Variants in TACR1 observed in about 807,000 individuals in gnomAD.
TACR1 encodes substance-P receptor.
A neutral mutation model predicts 35.8 loss-of-function variants in TACR1; 25 were observed. The observed-to-expected ratio is 0.70, with a 90% CI of 0.51 to 0.98. The LOEUF (loss-of-function observed/expected upper bound fraction) is 0.98, where lower values mean the gene tolerates loss of function less well. Ranked by LOEUF, TACR1 falls within the 50% of genes least tolerant of loss-of-function variation. TACR1 has a pLI of 0.00. For missense variants in TACR1, 478 were observed against 522.9 expected, an observed-to-expected ratio of 0.91 and a Z score of 0.84; for synonymous variants, 195 against 206.7, an observed-to-expected ratio of 0.94 and a Z score of 0.48.
At chr2:75,182,149 T>G (rs535520246) in intron 1 of TACR1, among the ~76,000 whole-genome samples, 1 of 152,338 alleles carries the variant, frequency 6.6e-6, no homozygotes. Flanking sequence ...CTCGCCTGTG[T>G]TTCAGACAGC....
intron 2 of TACR1, among the ~76,000 whole-genome samples, chr2:75,072,854 C>A (rs1331923797): frequency 6.6e-6 from 1 of 152,188 alleles, no homozygotes; most frequent in East Asian, 1.9e-4. Context: ...TCCAAGTTTT[C>A]TGCGTTTTAT....
At chr2:75,120,049 C>T (rs764027338) in intron 2 of TACR1, among the ~76,000 whole-genome samples, 1 of 152,082 alleles carries the variant, frequency 6.6e-6, no homozygotes, top group Non-Finnish European at 1.5e-5. Context: ...CAGATGCCAG[C>T]TCCCCTTAGG....
At chr2:75,196,334 C>A (rs555312905) in intron 1 of TACR1, among the ~76,000 whole-genome samples, 1 of 152,208 alleles carries the variant, frequency 6.6e-6, no homozygotes, top group East Asian at 1.9e-4. Flanking sequence ...ATAGTGTGCT[C>A]ACCAGGCTGA....
chr2:75,148,204 G>T (rs1442286557), intron 1 of TACR1, among the ~76,000 whole-genome samples: 1 of 152,138 alleles, frequency 6.6e-6, no homozygotes, highest in Non-Finnish European at 1.5e-5. Flanking sequence ...CTTTATAGTA[G>T]AATGATTTAT....
chr2:75,090,724 A>G (rs1673292150), intron 2 of TACR1: 1 of 153,924 alleles, frequency 6.5e-6, no homozygotes, highest in African/African-American at 2.4e-5. Context: ...TTAGGACAAA[A>G]ATTTCTCAAG....
At chr2:75,158,023 C>T (rs566455772) in intron 1 of TACR1, among the ~76,000 whole-genome samples, 19 of 152,318 alleles carry the variant, frequency 1.2e-4, no homozygotes, top group Non-Finnish European at 2.5e-4. Context: ...TAGGTTAGGT[C>T]TAAACCTTAT....
intron 1 of TACR1, among the ~76,000 whole-genome samples, chr2:75,174,441 T>C (rs894711536): frequency 2.6e-5 from 4 of 152,330 alleles, no homozygotes; most frequent in African/African-American, 7.2e-5. Context: ...GTAGATACAC[T>C]GGGACAAAGT....
chr2:75,090,632 C>T (rs1468644796), intron 2 of TACR1, among the ~76,000 whole-genome samples: 1 of 152,110 alleles, frequency 6.6e-6, no homozygotes, highest in Non-Finnish European at 1.5e-5. Flanking sequence ...ACATAATGAG[C>T]AACAAATGTC....
rs150999176 is a variant in TACR1, at chr2:75,078,105, C to T, written c.585-24350G>A. The stretch of plus-strand genomic sequence containing the variant: ...AGTGAGGGGGTGTTCCCCAGATCAC[C>T]GAGGTAGGTCTCTACTACCATCATG... On this transcript the variant is annotated intron_variant, in intron 2 of 4. Transcript: ENST00000305249. Among the ~76,000 whole-genome samples, 436 of 152,268 alleles carry T rather than the reference C, an allele frequency of 2.9e-3. 1 individual carries two copies. Among genetic ancestry groups the T allele is most frequent in the Middle Eastern group, 0.014 (4 of 294 alleles).
chr2:75,055,885 A>G (rs1672559439), intron 2 of TACR1, among the ~76,000 whole-genome samples: 1 of 152,186 alleles, frequency 6.6e-6, no homozygotes, highest in South Asian at 2.1e-4. Flanking sequence ...TTCTCAAGAG[A>G]TGCCGATGTT....
At chr2:75,089,132 G>C (rs563675535) in intron 2 of TACR1, among the ~76,000 whole-genome samples, 1 of 152,334 alleles carries the variant, frequency 6.6e-6, no homozygotes, top group East Asian at 1.9e-4. Flanking sequence ...GGCAGGTACA[G>C]AGCTCTAAAT....
At chr2:75,052,358 C>T (rs1672485705) in intron 3 of TACR1, among the ~76,000 whole-genome samples, 2 of 152,182 alleles carry the variant, frequency 1.3e-5, no homozygotes, top group South Asian at 4.1e-4. Flanking sequence ...GGCCTTTCAG[C>T]CACTAGAGCT....
chr2:75,079,913 A>G (rs1572916745), intron 2 of TACR1, among the ~76,000 whole-genome samples: 1 of 152,272 alleles, frequency 6.6e-6, no homozygotes, highest in African/African-American at 2.4e-5. Flanking sequence ...AGAAACCACC[A>G]TACTGCCTCA....
At chr2:75,137,501 G>A (rs1377096270) in intron 1 of TACR1, among the ~76,000 whole-genome samples, 5 of 151,814 alleles carry the variant, frequency 3.3e-5, no homozygotes, top group East Asian at 1.9e-4. Context: ...CAAGGTGGGC[G>A]GATCACGAGG....
At chr2:75,119,456 T>C (rs976421589) in intron 2 of TACR1, among the ~76,000 whole-genome samples, 2 of 152,268 alleles carry the variant, frequency 1.3e-5, no homozygotes, top group East Asian at 3.9e-4. Flanking sequence ...AAACCCGAGA[T>C]TGGAGAATTA....
chr2:75,147,388 A>G (rs1326809362), intron 1 of TACR1, among the ~76,000 whole-genome samples: 1 of 152,106 alleles, frequency 6.6e-6, no homozygotes, highest in Admixed American at 6.5e-5. Flanking sequence ...TTCATCCTTT[A>G]TCCATCCCTA....
chr2:75,118,062 C>T (rs981927919), intron 2 of TACR1, among the ~76,000 whole-genome samples: 3 of 152,168 alleles, frequency 2.0e-5, no homozygotes, highest in African/African-American at 7.2e-5. Context: ...AACACACACT[C>T]TTCTAATTAT....
intron 1 of TACR1, among the ~76,000 whole-genome samples, chr2:75,145,708 A>T (rs1033376817): frequency 6.6e-6 from 1 of 152,236 alleles, no homozygotes; most frequent in African/African-American, 2.4e-5. Flanking sequence ...TACTAAAAGA[A>T]ATAGAAATTT....
At chr2:75,192,388 AT>A (rs1290263799) in intron 1 of TACR1, among the ~76,000 whole-genome samples, 4 of 152,224 alleles carry the variant, frequency 2.6e-5, no homozygotes, top group African/African-American at 9.6e-5. Flanking sequence ...GGCAAATTTC[AT>A]TTCAAGAAAA....
Sources: gnomAD v4.1 joint callset for allele counts (sites outside exome capture counted in the v4.1 genomes callset) on GRCh38, gnomAD v4.1.1 for gene constraint, MANE v1.5 for transcripts, NCBI Gene and HGNC (gene_info 2026-07-23, HGNC 2026-07-21) for gene names.